SESTD1: variants seen among roughly 807,000 people sequenced by gnomAD.
SESTD1 encodes SEC14 domain and spectrin repeat-containing protein 1.
A neutral mutation model predicts 101.7 loss-of-function variants in SESTD1; 43 were observed. That is an observed-to-expected ratio of 0.42 (90% CI 0.33 to 0.55). The LOEUF is 0.55. Ranked by LOEUF, SESTD1 falls within the 20% of genes least tolerant of loss-of-function variation. SESTD1 has a pLI of 0.07. For missense variants in SESTD1, 647 were observed against 815.1 expected (o/e 0.79, Z 2.51); for synonymous variants, 283 against 286.8 (o/e 0.99, Z 0.13).
chr2:179,201,532 A>C lies in SESTD1; in HGVS notation c.-25-9666T>G, dbSNP rs1164346133. Among the ~76,000 whole-genome samples the C allele has an allele frequency of 1.5e-5, 2 of 133,302 alleles. 1 individual carries two copies. The highest frequency in any genetic ancestry group is 3.2e-5 in the Non-Finnish European group (2 of 62,572). 87.5% of individuals were successfully genotyped at this position (133,302 alleles called of 152,430 possible). A position where few individuals can be genotyped will look rare whatever the true frequency, so the allele number is the denominator to read the frequency against. The stretch of plus-strand genomic sequence containing the variant: ...AGGCTTGGAACCAACCCAAATGTCC[A>C]ACAATGATAGACTGGATTAAGAAAA... On this transcript the variant is annotated intron_variant, in intron 1 of 17. Coordinates refer to ENST00000428443, the MANE Select transcript of SESTD1 (RefSeq NM_178123.5).
In SESTD1 at chr2:179,128,645, C is replaced by T. The variant is rs181243171; in HGVS notation, c.972+3659G>A. ...TCTGGAGGCTGAGGCAGGAGAATCG[C>T]TTGAACCTGGGAGGCAGAGGTTGCA... On this transcript the variant is annotated intron_variant, in intron 10 of 17. Coordinates refer to ENST00000428443, the MANE Select transcript of SESTD1 (RefSeq NM_178123.5). 2.7e-3 allele frequency among the ~76,000 whole-genome samples: 405 copies of T among 150,810 alleles called. 1 individual carries two copies. Among genetic ancestry groups the T allele is most frequent in the Non-Finnish European group, 4.2e-3 (284 of 67,792 alleles).
intron 1 of SESTD1, among the ~76,000 whole-genome samples, chr2:179,195,363 TGAA>T (rs2046374345): frequency 6.6e-6 from 1 of 152,344 alleles, no homozygotes; most frequent in Non-Finnish European, 1.5e-5. Flanking sequence ...TGCCACCCTG[TGAA>T]GAAGGTGTCT....
rs1431949841 is a variant in SESTD1, at chr2:179,202,111, C to G, written c.-25-10245G>C. Among the ~76,000 whole-genome samples the G allele has an allele frequency of 1.5e-5, 2 of 132,886 alleles. 1 individual carries two copies. Among genetic ancestry groups the G allele is most frequent in the Non-Finnish European group, 3.2e-5 (2 of 62,248 alleles). 87.2% of individuals were successfully genotyped at this position (132,886 alleles called of 152,430 possible). On this transcript the variant is annotated intron_variant, in intron 1 of 17. Transcript: ENST00000428443. ...ATGAAAGGGAATTATTTAGGATAGT[C>G]TTTCTAACATTGCCTCTCCCCATGT...
At chr2:179,201,856 T>C (rs1364499153) in intron 1 of SESTD1, among the ~76,000 whole-genome samples, 1 of 128,850 alleles carries the variant, frequency 7.8e-6, no homozygotes, top group Non-Finnish European at 1.6e-5. Flanking sequence ...CGCACCAGCA[T>C]GGCACATGTA....
intron 1 of SESTD1, among the ~76,000 whole-genome samples, chr2:179,249,237 AC>A (rs760077494): frequency 5.3e-5 from 8 of 149,740 alleles, no homozygotes; most frequent in Non-Finnish European, 1.0e-4. Flanking sequence ...AAAGAAGACT[AC>A]CCCTATTTGC....
At position 179,121,772 on chromosome 2, in the gene SESTD1, T is replaced by G; in HGVS notation, c.1440A>C (p.Gln480His). Residue 480 changes from glutamine (Q) to histidine (H), a missense_variant and splice_region_variant, in exon 13 of 18, where the codon CAA becomes CAC. By Grantham distance (24) the Gln-to-His change is conservative (BLOSUM62 0). This residue lies in a region of SESTD1 where 476 missense variants were observed against 562.6 expected (regional missense o/e 0.85). Coordinates refer to ENST00000428443, the MANE Select transcript of SESTD1 (RefSeq NM_178123.5). ...GVMEDMQLRK[Q>H]RCEDMVDVRR... ...AGTAATTAACGGTCAAACTTTGCCTTTGTTTTCTAAGCTGCATATCTTCCA... is the reference window on the plus strand; with the variant it reads ...AGTAATTAACGGTCAAACTTTGCCTGTGTTTTCTAAGCTGCATATCTTCCA... 1.9e-6 allele frequency: 3 copies of G among 1,562,218 alleles called. No individual in the cohort carries two copies. The highest frequency in any genetic ancestry group is 2.6e-6 in the Non-Finnish European group (3 of 1,160,604).
chr2:179,245,148 A>C (rs2047210313), intron 1 of SESTD1, among the ~76,000 whole-genome samples: 2 of 152,142 alleles, frequency 1.3e-5, no homozygotes, highest in African/African-American at 4.8e-5. Context: ...TCCGTCCAGG[A>C]GTTTGAGACC....
intron 10 of SESTD1, among the ~76,000 whole-genome samples, chr2:179,131,684 A>T (rs1024834053): frequency 2.6e-5 from 4 of 152,194 alleles, no homozygotes; most frequent in African/African-American, 7.2e-5. Flanking sequence ...ATTAACGAAC[A>T]CCAGCTTCTT....
chr2:179,108,115 TAAA>T lies in SESTD1; in HGVS notation c.*1781_*1783del, dbSNP rs1244511344. 6.6e-6 allele frequency: 1 copy of T among 151,992 alleles called. No homozygotes were observed. Among genetic ancestry groups the T allele is most frequent in the Non-Finnish European group, 1.5e-5 (1 of 67,986 alleles). The allele number at this position is 151,992 out of a possible 1,614,324, so 9.4% of individuals were successfully genotyped here. A position where few individuals can be genotyped will look rare whatever the true frequency, so the allele number is the denominator to read the frequency against. On this transcript the variant is annotated 3_prime_UTR_variant, in exon 18 of 18. Coordinates refer to ENST00000428443, the MANE Select transcript of SESTD1 (RefSeq NM_178123.5). ...AAGGTTGAAATGTCAACTAGGCAAT[TAAA>T]AAGAAGTACAAGTCTAGATTTCTGG...
At chr2:179,216,688 A>C (rs1181601626) in intron 1 of SESTD1, among the ~76,000 whole-genome samples, 2 of 135,150 alleles carry the variant, frequency 1.5e-5, no homozygotes, top group Admixed American at 1.4e-4. Context: ...AATCCTACGC[A>C]AAAAGAACAA....
At chr2:179,168,753 T>A (rs945642077) in intron 5 of SESTD1, among the ~76,000 whole-genome samples, 1 of 152,160 alleles carries the variant, frequency 6.6e-6, no homozygotes, top group African/African-American at 2.4e-5. Context: ...GAAATTAATT[T>A]AAAATTTTTA....
intron 9 of SESTD1, among the ~76,000 whole-genome samples, chr2:179,139,147 T>TC (rs2045222014): frequency 6.6e-6 from 1 of 152,196 alleles, no homozygotes; most frequent in Non-Finnish European, 1.5e-5. Flanking sequence ...AAAGAGCCCC[T>TC]CACTGTTATT....
intron 1 of SESTD1, among the ~76,000 whole-genome samples, chr2:179,217,091 A>C (rs1455801957): frequency 6.6e-6 from 1 of 152,162 alleles, no homozygotes; most frequent in African/African-American, 2.4e-5. Flanking sequence ...TTCATGACTA[A>C]AACACCAAAA....
intron 1 of SESTD1, among the ~76,000 whole-genome samples, chr2:179,210,736 A>AAG (rs1481505704): frequency 1.5e-5 from 2 of 134,826 alleles, no homozygotes; most frequent in Admixed American, 1.4e-4. Flanking sequence ...TATACTGAAC[A>AAG]GGGAAAACTT....
At chr2:179,196,726 A>G (rs1427185243) in intron 1 of SESTD1, among the ~76,000 whole-genome samples, 1 of 152,134 alleles carries the variant, frequency 6.6e-6, no homozygotes, top group Non-Finnish European at 1.5e-5. Context: ...TGGGTACTCC[A>G]ACAGACCTGC....
intron 1 of SESTD1, among the ~76,000 whole-genome samples, chr2:179,198,343 C>T (rs2046439447): frequency 6.6e-6 from 1 of 152,160 alleles, no homozygotes; most frequent in Non-Finnish European, 1.5e-5. Context: ...TAGACTCCCA[C>T]ACATTAATAA....
At chr2:179,172,511 G>A (rs1048754410) in intron 4 of SESTD1, among the ~76,000 whole-genome samples, 4 of 152,132 alleles carry the variant, frequency 2.6e-5, no homozygotes, top group Non-Finnish European at 4.4e-5. Context: ...CTAGGAATAT[G>A]TTTAGCTTAA....
intron 9 of SESTD1, among the ~76,000 whole-genome samples, chr2:179,141,100 C>T (rs1319235415): frequency 6.6e-6 from 1 of 152,138 alleles, no homozygotes. Flanking sequence ...CAAATATACC[C>T]CAGCCCAGAC....
intron 1 of SESTD1, among the ~76,000 whole-genome samples, chr2:179,216,423 C>G (rs181715788): frequency 0.14 from 19,278 of 133,626 alleles, 7,247 homozygotes; most frequent in African/African-American, 0.54. Flanking sequence ...CAACTTACAA[C>G]GGATGTGAAG....
Sources: gnomAD v4.1 joint callset for allele counts (sites outside exome capture counted in the v4.1 genomes callset) on GRCh38, gnomAD v4.1.1 for gene constraint, gnomAD v4.1.1 regional missense constraint, MANE v1.5 for transcripts, NCBI Gene and HGNC (gene_info 2026-07-23, HGNC 2026-07-21) for gene names.